The following TMEM232 variants were observed in gnomAD, a reference collection of about 807,000 sequenced individuals.
The protein encoded by TMEM232 is transmembrane protein 232.
Under a neutral mutation model 78.8 loss-of-function variants are expected in TMEM232, and 80 were observed. The observed-to-expected ratio is 1.01, with a 90% CI of 0.85 to 1.22. The LOEUF (loss-of-function observed/expected upper bound fraction) is 1.22, where lower values mean the gene tolerates loss of function less well. TMEM232 is among the 50% of genes most tolerant of loss of function. TMEM232 has a pLI of 0.00. For missense variants in TMEM232, 881 were observed against 742.2 expected (o/e 1.19, Z -2.17); for synonymous variants, 297 against 254.3 (o/e 1.17, Z -1.60).
At chr5:110,717,046 G>A (rs559127770) in intron 1 of TMEM232, among the ~76,000 whole-genome samples, 4 of 152,144 alleles carry the variant, frequency 2.6e-5, no homozygotes, top group African/African-American at 9.7e-5. Flanking sequence ...AGACCACTTT[G>A]TACCAGGGAC....
intron 11 of TMEM232, among the ~76,000 whole-genome samples, chr5:110,561,550 A>G (rs1775748998): frequency 1.3e-5 from 2 of 152,136 alleles, no homozygotes; most frequent in Admixed American, 1.3e-4. Flanking sequence ...AAGAAACAAT[A>G]TTCATATTGA....
At position 110,424,979 on chromosome 5, in the gene TMEM232, G is replaced by T. The variant is rs561936160; in HGVS notation, c.1704-63C>A. 203 of 1,111,792 alleles carry T rather than the reference G, an allele frequency of 1.8e-4. 4 individuals are homozygous for T. In the South Asian group the frequency reaches 2.7e-3, roughly 15 times the overall value. The allele number at this position is 1,111,792 out of a possible 1,614,324, so 68.9% of individuals were successfully genotyped here. A position where few individuals can be genotyped will look rare whatever the true frequency, so the allele number is the denominator to read the frequency against. On this transcript the variant is annotated intron_variant, in intron 12 of 13. Transcript: ENST00000455884. ...TAGGTACTCCTATTCCCCAGAAATA[G>T]AATTGTAACTAAGCCATAATTTATT...
At chr5:110,637,545 T>C (rs984909467) in intron 5 of TMEM232, among the ~76,000 whole-genome samples, 2 of 151,682 alleles carry the variant, frequency 1.3e-5, no homozygotes, top group African/African-American at 2.4e-5. Flanking sequence ...ATTTAATTTG[T>C]TTCATTCATA....
intron 1 of TMEM232, among the ~76,000 whole-genome samples, chr5:110,688,206 T>C (rs959035308): frequency 6.6e-6 from 1 of 152,154 alleles, no homozygotes; most frequent in South Asian, 2.1e-4. Context: ...GAATTTCATT[T>C]CTATATGGAT....
rs147890469 is a variant in TMEM232 at position 110,511,831 on chromosome 5, C to T, written c.1703+16757G>A. On this transcript the variant is annotated intron_variant, in intron 12 of 13. Coordinates refer to ENST00000455884, the MANE Select transcript of TMEM232 (RefSeq NM_001039763.4). ...CATAAAACACATTTAATGCTTATTGCGGTTCCTAAGATAAAATGGAAAATC... is the reference window on the plus strand; with the variant it reads ...CATAAAACACATTTAATGCTTATTGTGGTTCCTAAGATAAAATGGAAAATC... Among the ~76,000 whole-genome samples the T allele has an allele frequency of 6.5e-3, 986 of 152,266 alleles. 25 individuals carry two copies. Among genetic ancestry groups the T allele is most frequent in the Admixed American group, 0.035 (538 of 15,286 alleles).
chr5:110,590,323 C>T (rs1381877995), intron 10 of TMEM232, among the ~76,000 whole-genome samples: 1 of 152,042 alleles, frequency 6.6e-6, no homozygotes, highest in Non-Finnish European at 1.5e-5. Context: ...GGTCCCCAAA[C>T]CTACCAGTCC....
chr5:110,488,663 A>C, intron 12 of TMEM232, among the ~76,000 whole-genome samples: 1 of 152,044 alleles, frequency 6.6e-6, no homozygotes, highest in East Asian at 1.9e-4. Context: ...GAAACTAAGA[A>C]AAGTAGAGCA....
At chr5:110,675,997 A>T (rs1217944129) in intron 1 of TMEM232, among the ~76,000 whole-genome samples, 1 of 152,226 alleles carries the variant, frequency 6.6e-6, no homozygotes, top group Non-Finnish European at 1.5e-5. Flanking sequence ...TTTAGATTCT[A>T]CGTATAAGTG....
intron 2 of TMEM232, among the ~76,000 whole-genome samples, chr5:110,402,009 C>G (rs1041999520): frequency 4.5e-4 from 68 of 151,938 alleles, no homozygotes; most frequent in African/African-American, 1.5e-3. Flanking sequence ...TGGTGTTTTC[C>G]TTAGTGGAGC....
intron 8 of TMEM232, among the ~76,000 whole-genome samples, chr5:110,606,802 AG>A (rs1781596236): frequency 6.6e-6 from 1 of 152,140 alleles, no homozygotes; most frequent in South Asian, 2.1e-4. Flanking sequence ...ATGAAAGACT[AG>A]TTTTTTTTAA....
intron 1 of TMEM232, among the ~76,000 whole-genome samples, chr5:110,672,251 T>C (rs1791452500): frequency 6.6e-6 from 1 of 152,194 alleles, no homozygotes; most frequent in Non-Finnish European, 1.5e-5. Context: ...ATTCCTCACA[T>C]CTGCTGCTAA....
At chr5:110,405,760 G>C (rs1755768216) in intron 2 of TMEM232, among the ~76,000 whole-genome samples, 1 of 147,946 alleles carries the variant, frequency 6.8e-6, no homozygotes, top group South Asian at 2.1e-4. Flanking sequence ...AAAGTAAACA[G>C]GCCATCTGTA....
Position 110,565,691 on chromosome 5 carries a change from TG to T in TMEM232, c.1455+2755del, listed in dbSNP as rs1481556563. On this transcript the variant is annotated intron_variant, in intron 11 of 13. Transcript: ENST00000455884. ...ACCTACTGCTTTGGTATGACAAACT[TG>T]GTTTAAACATTCTCCAGTTATGACC... 8.5e-5 allele frequency among the ~76,000 whole-genome samples: 13 copies of T among 152,108 alleles called. No homozygotes were observed. In the South Asian group the frequency reaches 2.3e-3, roughly 27 times the overall value.
chr5:110,595,457 T>C (rs1780047060), intron 10 of TMEM232, among the ~76,000 whole-genome samples: 6 of 152,072 alleles, frequency 3.9e-5, no homozygotes. Context: ...CTTCAAAAGG[T>C]GGGTAGTAAC....
intron 12 of TMEM232, among the ~76,000 whole-genome samples, chr5:110,511,172 T>C (rs1412404693): frequency 6.6e-6 from 1 of 152,098 alleles, no homozygotes; most frequent in Admixed American, 6.6e-5. Context: ...GAAACCATCA[T>C]TCTCAGCAAA....
chr5:110,574,772 G>C lies in TMEM232; in HGVS notation c.1277-6147C>G, dbSNP rs185153006. Among the ~76,000 whole-genome samples the C allele has an allele frequency of 9.2e-5, 14 of 152,218 alleles. No individual in the cohort carries two copies. In the East Asian group the frequency reaches 2.7e-3, roughly 30 times the overall value. The stretch of plus-strand genomic sequence containing the variant: ...CTGGGAGAGGATAATGGGAAGCTCT[G>C]TACTTGAGTCTTTCCTGGACTCTGC... On this transcript the variant is annotated intron_variant, in intron 10 of 13. Coordinates refer to ENST00000455884, the MANE Select transcript of TMEM232 (RefSeq NM_001039763.4).
chr5:110,704,647 T>A (rs1218108093), intron 1 of TMEM232, among the ~76,000 whole-genome samples: 4 of 152,030 alleles, frequency 2.6e-5, no homozygotes, highest in Non-Finnish European at 5.9e-5. Flanking sequence ...CATTATCAAG[T>A]GGACATTGAA....
intron 1 of TMEM232, among the ~76,000 whole-genome samples, 165 bp downstream of exon 1, chr5:110,726,462 G>T (rs1235556155): frequency 6.6e-6 from 1 of 152,158 alleles, no homozygotes; most frequent in Non-Finnish European, 1.5e-5. Context: ...CCCAGCCTGG[G>T]GTTGCGAGTA....
At chr5:110,584,620 T>C (rs77499505) in intron 10 of TMEM232, among the ~76,000 whole-genome samples, 1 of 152,122 alleles carries the variant, frequency 6.6e-6, no homozygotes, top group African/African-American at 2.4e-5. Context: ...TTGATTAAAT[T>C]AGTGATGTCT....
Sources: gnomAD v4.1 joint callset for allele counts (sites outside exome capture counted in the v4.1 genomes callset) on GRCh38, gnomAD v4.1.1 for gene constraint, MANE v1.5 for transcripts, NCBI Gene and HGNC (gene_info 2026-07-23, HGNC 2026-07-21) for gene names.